Variants in KIFAP3 observed in about 807,000 individuals in gnomAD.
The protein encoded by KIFAP3 is kinesin-associated protein 3.
Under a neutral mutation model 106.5 loss-of-function variants are expected in KIFAP3, and 68 were observed. The observed-to-expected ratio is 0.64, with a 90% confidence interval of 0.53 to 0.78. KIFAP3 has a LOEUF of 0.78. Ranked by LOEUF, KIFAP3 falls within the 30% of genes least tolerant of loss-of-function variation. KIFAP3 has a pLI of 0.00. For synonymous variants in KIFAP3, 320 were observed against 311.5 expected (o/e 1.03, Z -0.29); for missense variants, 780 against 941.8 (o/e 0.83, Z 2.25).
intron 16 of KIFAP3, among the ~76,000 whole-genome samples, chr1:169,976,897 T>C (rs980576162): frequency 1.3e-5 from 2 of 152,050 alleles, no homozygotes; most frequent in Non-Finnish European, 2.9e-5. Flanking sequence ...TTTTATTTTT[T>C]TATTTTTAGT....
At position 169,954,021 on chromosome 1, in the gene KIFAP3, A is replaced by G. The variant is rs182996592; in HGVS notation, c.2263T>C (p.Phe755Leu). The change falls in exon 19 of 20, where the codon TTT becomes CTT. Residue 755 changes from phenylalanine (F) to leucine (L), a missense_variant. Around this residue, in one of 3 missense-constraint regions of KIFAP3, gnomAD observed 114 missense variants for 122.3 expected, o/e 0.93. Transcript: ENST00000361580. ...QNGDVVGQHS[F>L]PGSLGMDGFG... ...TGGAAAACTGTTTACCTGCCAGGAAATGAATGCTGCCCAACAACATCTCCA... is the reference window on the plus strand; with the variant it reads ...TGGAAAACTGTTTACCTGCCAGGAAGTGAATGCTGCCCAACAACATCTCCA... 5 of 1,612,170 alleles carry G rather than the reference A, an allele frequency of 3.1e-6. No individual in the cohort carries two copies. The highest frequency in any genetic ancestry group is 4.2e-6 in the Non-Finnish European group (5 of 1,178,234).
chr1:170,041,863 G>C (rs1276640114), intron 3 of KIFAP3: 3 of 1,393,404 alleles, frequency 2.2e-6, no homozygotes, highest in African/African-American at 2.9e-5. Flanking sequence ...CCCTGTTTAA[G>C]GGGAATTTCC....
At chr1:169,943,828 AATTAACTTGCC>A (rs1664271477) in intron 19 of KIFAP3, among the ~76,000 whole-genome samples, 1 of 152,216 alleles carries the variant, frequency 6.6e-6, no homozygotes, top group Non-Finnish European at 1.5e-5. Context: ...GTGATGATAT[AATTAACTTGCC>A]AGACACAACT....
intron 9 of KIFAP3, among the ~76,000 whole-genome samples, chr1:170,017,895 T>C (rs565508016): frequency 1.3e-5 from 2 of 152,328 alleles, no homozygotes; most frequent in African/African-American, 4.8e-5. Context: ...ATTATTTTAA[T>C]TTTTGTCATT....
chr1:169,927,388 AAG>A (rs1558168484), intron 19 of KIFAP3, among the ~76,000 whole-genome samples: 1 of 152,200 alleles, frequency 6.6e-6, no homozygotes, highest in Non-Finnish European at 1.5e-5. Flanking sequence ...TACAGAAGAA[AAG>A]AGGGGGGATA....
chr1:169,948,560 G>C (rs968994278), intron 19 of KIFAP3, among the ~76,000 whole-genome samples: 1 of 151,934 alleles, frequency 6.6e-6, no homozygotes, highest in Non-Finnish European at 1.5e-5. Flanking sequence ...GTCTATCAAA[G>C]AAAATGCTTC....
chr1:169,925,768 A>G (rs1001540757), intron 19 of KIFAP3, among the ~76,000 whole-genome samples: 10 of 152,268 alleles, frequency 6.6e-5, no homozygotes, highest in South Asian at 2.1e-4. Flanking sequence ...TCCTGTAGAA[A>G]GAGAAGAAAA....
intron 19 of KIFAP3, among the ~76,000 whole-genome samples, chr1:169,926,510 C>T (rs997581799): frequency 1.3e-5 from 2 of 151,930 alleles, no homozygotes; most frequent in African/African-American, 4.8e-5. Context: ...TAATCTTAAA[C>T]AAAAATTTTA....
Position 169,961,151 on chromosome 1 carries a change from G to A in KIFAP3, c.2068C>T (p.Arg690Cys). The A allele has an allele frequency of 1.2e-6, 2 of 1,613,282 alleles. No homozygotes were observed. Among genetic ancestry groups the A allele is most frequent in the Non-Finnish European group, 1.7e-6 (2 of 1,179,538 alleles). ...TACTGCTCACTCTCATCCATCTGACGACTCTCTACCATCTCCAGCCACTGA... is the reference window on the plus strand; with the variant it reads ...TACTGCTCACTCTCATCCATCTGACAACTCTCTACCATCTCCAGCCACTGA... ...NSQWLEMVES[R>C]QMDESEQYLY... Residue 690 changes from arginine to cysteine, a missense_variant, in exon 18 of 20, where the codon CGT (arginine) becomes TGT (cysteine). By Grantham distance (180) the Arg-to-Cys change is radical. Around this residue, in one of 3 missense-constraint regions of KIFAP3, gnomAD observed 78 missense variants for 140.6 expected, o/e 0.55. Coordinates refer to ENST00000361580, the MANE Select transcript of KIFAP3 (RefSeq NM_014970.4).
chr1:170,016,033 T>C (rs954562696), intron 10 of KIFAP3, among the ~76,000 whole-genome samples: 2 of 152,046 alleles, frequency 1.3e-5, no homozygotes, highest in South Asian at 2.1e-4. Flanking sequence ...TTAAAAAAAA[T>C]ATACCCTTTT....
chr1:170,082,127 T>G lies in KIFAP3; in HGVS notation n.174+2908A>C, dbSNP rs140555334. 3.9e-5 allele frequency among the ~76,000 whole-genome samples: 6 copies of G among 152,280 alleles called. No homozygotes were observed. In the East Asian group the frequency reaches 9.6e-4, roughly 24 times the overall value. On this transcript the variant is annotated intron_variant and non_coding_transcript_variant, in intron 1 of 5. Transcript: ENST00000490550. ...AAATGAAAACATATGTCCACAACAA[T>G]TGCTCACAAATGTTCATGGTAGCTT... is the stretch of plus-strand genomic sequence containing the variant.
At chr1:170,062,535 T>G (rs1471511992) in intron 1 of KIFAP3, among the ~76,000 whole-genome samples, 1 of 152,222 alleles carries the variant, frequency 6.6e-6, no homozygotes, top group Non-Finnish European at 1.5e-5. Flanking sequence ...GTCAAGGTCA[T>G]CAATTTCTTC....
At chr1:169,961,359 A>T (rs1375436464) in intron 17 of KIFAP3, 124 bp from the exon 18 acceptor site, 3 of 637,416 alleles carry the variant, frequency 4.7e-6, no homozygotes, top group South Asian at 1.9e-5. Flanking sequence ...CACTACAAAT[A>T]CCTGTTCAGG....
upstream of KIFAP3, among the ~76,000 whole-genome samples, chr1:170,077,966 G>A (rs1406564420): frequency 6.6e-6 from 1 of 151,798 alleles, no homozygotes; most frequent in Non-Finnish European, 1.5e-5. Context: ...AGACATTTGA[G>A]TTGCTTCTAG....
At chr1:169,979,329 G>T (rs1277465897) in intron 15 of KIFAP3, among the ~76,000 whole-genome samples, 1 of 152,044 alleles carries the variant, frequency 6.6e-6, no homozygotes, top group Non-Finnish European at 1.5e-5. Flanking sequence ...ACTGTGAGAA[G>T]AGTGTACCAA....
At chr1:170,040,330 T>C (rs544885121) in intron 3 of KIFAP3, among the ~76,000 whole-genome samples, 11 of 152,312 alleles carry the variant, frequency 7.2e-5, no homozygotes, top group African/African-American at 1.9e-4. Context: ...AGTGTATATT[T>C]AATATACATT....
In KIFAP3 at chr1:169,972,612, G is replaced by A. The variant is rs957430737; in HGVS notation, c.1898-14C>T. The A allele has an allele frequency of 1.0e-5, 14 of 1,362,738 alleles. No homozygotes were observed. Among genetic ancestry groups the A allele is most frequent in the Non-Finnish European group, 1.4e-5 (14 of 967,742 alleles). 84.4% of individuals were successfully genotyped at this position (1,362,738 alleles called of 1,614,324 possible). A position where few individuals can be genotyped will look rare whatever the true frequency, so the allele number is the denominator to read the frequency against. ...ATGCTGGAGCCTCTGAATAAAAATG[G>A]TTAAAGAAACAAACTACATTTGATA... On this transcript the variant is annotated splice_polypyrimidine_tract_variant and intron_variant, in intron 16 of 19. Coordinates refer to ENST00000361580, the MANE Select transcript of KIFAP3 (RefSeq NM_014970.4).
intron 1 of KIFAP3, among the ~76,000 whole-genome samples, chr1:170,082,473 G>T (rs1043009270): frequency 3.3e-5 from 5 of 152,102 alleles, no homozygotes; most frequent in Admixed American, 2.0e-4. Flanking sequence ...TTAGGGTAAT[G>T]GTCACCCATG....
chr1:169,940,158 G>A (rs1664031062), intron 19 of KIFAP3, among the ~76,000 whole-genome samples: 1 of 152,142 alleles, frequency 6.6e-6, no homozygotes, highest in East Asian at 1.9e-4. Flanking sequence ...GAAGAAAGGT[G>A]GGCAAAGGTA....
Sources: gnomAD v4.1 joint callset for allele counts (sites outside exome capture counted in the v4.1 genomes callset) on GRCh38, gnomAD v4.1.1 for gene constraint, gnomAD v4.1.1 regional missense constraint, MANE v1.5 for transcripts, NCBI Gene and HGNC (gene_info 2026-07-23, HGNC 2026-07-21) for gene names.